Variants in COP1 observed in about 807,000 individuals in gnomAD.
COP1 encodes the protein COP1 E3 ubiquitin ligase.
In COP1, 24 loss-of-function variants were observed where a neutral mutation model predicts 101.3. The observed-to-expected ratio is 0.24, with a 90% CI of 0.17 to 0.33. The LOEUF (loss-of-function observed/expected upper bound fraction) is 0.33. Among genes scored for constraint, COP1 ranks in the 10% least tolerant of loss-of-function variants. The pLI is 1.00. For synonymous variants in COP1, 347 were observed against 341.9 expected, an observed-to-expected ratio of 1.01 and a Z score of -0.17; for missense variants, 663 against 906.2, an observed-to-expected ratio of 0.73 and a Z score of 3.45.
In COP1 at chr1:175,977,756, C is replaced by CA. The variant is rs1654922171; in HGVS notation, c.2133+9186dup. On this transcript the variant is annotated intron_variant, in intron 18 of 19. Coordinates refer to ENST00000367669, the MANE Select transcript of COP1 (RefSeq NM_022457.7). The stretch of plus-strand genomic sequence containing the variant: ...AAGCAACTGCCATCCATTTTCTAAG[C>CA]AAAACATACTTATTTTTGCTTAGTT... 2.0e-5 allele frequency among the ~76,000 whole-genome samples: 3 copies of CA among 152,064 alleles called. 1 individual carries two copies. In the South Asian group the frequency reaches 6.2e-4, roughly 32 times the overall value.
chr1:176,046,004 A>G (rs545742864), intron 12 of COP1, among the ~76,000 whole-genome samples, 177 bp downstream of exon 12: 1 of 152,092 alleles, frequency 6.6e-6, no homozygotes, highest in South Asian at 2.1e-4. Flanking sequence ...AGAAAAAAGC[A>G]ACCAATATCT....
chr1:175,963,117 C>T (rs1651581246), intron 18 of COP1, among the ~76,000 whole-genome samples: 1 of 151,992 alleles, frequency 6.6e-6, no homozygotes, highest in African/African-American at 2.4e-5. Context: ...TAATAACCTA[C>T]CTGAGTAGAC....
intron 11 of COP1, among the ~76,000 whole-genome samples, chr1:176,063,004 G>T (rs1675174900): frequency 6.6e-6 from 1 of 151,408 alleles, no homozygotes; most frequent in African/African-American, 2.4e-5. Flanking sequence ...TGAAGGAGGG[G>T]TGGAATTAAC....
At chr1:176,095,474 G>T (rs1255843795) in intron 9 of COP1, among the ~76,000 whole-genome samples, 1 of 152,160 alleles carries the variant, frequency 6.6e-6, no homozygotes. Flanking sequence ...CTTGAGTCCG[G>T]ATCCAGACCA....
At chr1:176,029,311 T>C (rs1206125460) in intron 14 of COP1, among the ~76,000 whole-genome samples, 1 of 152,184 alleles carries the variant, frequency 6.6e-6, no homozygotes, top group Admixed American at 6.5e-5. Context: ...GCCAGTGATA[T>C]ATATTAAAAT....
intron 9 of COP1, among the ~76,000 whole-genome samples, chr1:176,105,268 G>A (rs1239480071): frequency 6.6e-6 from 1 of 151,958 alleles, no homozygotes; most frequent in Non-Finnish European, 1.5e-5. Context: ...TATTCAAAAA[G>A]GATATATATA....
chr1:175,962,764 C>G lies in COP1; in HGVS notation c.2134-15525G>C, dbSNP rs765009091. ...CAGCCATCTCTCACCGCACCTCCCC[C>G]TCCCTGGGCACCTAGAGTCATCTCC... On this transcript the variant is annotated intron_variant, in intron 18 of 19. Coordinates refer to ENST00000367669, the MANE Select transcript of COP1 (RefSeq NM_022457.7). Among the ~76,000 whole-genome samples, 4 of 152,168 alleles carry G rather than the reference C, an allele frequency of 2.6e-5. 1 individual carries two copies. The highest frequency in any genetic ancestry group is 4.1e-4 in the South Asian group (2 of 4,834).
At chr1:175,998,841 T>C (rs1183504083) in intron 15 of COP1, among the ~76,000 whole-genome samples, 1 of 152,112 alleles carries the variant, frequency 6.6e-6, no homozygotes, top group Non-Finnish European at 1.5e-5. Flanking sequence ...TTTGGAAATA[T>C]TTTGTGTTCA....
chr1:176,067,530 G>C (rs1676208818), intron 11 of COP1, among the ~76,000 whole-genome samples: 1 of 152,150 alleles, frequency 6.6e-6, no homozygotes, highest in Non-Finnish European at 1.5e-5. Flanking sequence ...ATTTGGCTGG[G>C]ACGGTTGGAA....
At chr1:176,156,076 G>T (rs929685098) in intron 5 of COP1, among the ~76,000 whole-genome samples, 1 of 151,616 alleles carries the variant, frequency 6.6e-6, no homozygotes, top group Non-Finnish European at 1.5e-5. Flanking sequence ...ATCTTCAAAA[G>T]CCAAAATAAC....
At chr1:176,109,772 A>G (rs1386243409) in intron 9 of COP1, among the ~76,000 whole-genome samples, 3 of 152,288 alleles carry the variant, frequency 2.0e-5, no homozygotes, top group East Asian at 1.9e-4. Context: ...ACACTGTCTT[A>G]GTTATTTTAA....
intron 9 of COP1, among the ~76,000 whole-genome samples, chr1:176,090,080 C>T (rs1295821681): frequency 6.6e-6 from 1 of 152,150 alleles, no homozygotes; most frequent in Non-Finnish European, 1.5e-5. Flanking sequence ...TTCACAACCC[C>T]TTATCTTAAC....
At chr1:176,042,482 G>C (rs556767340) in intron 14 of COP1, among the ~76,000 whole-genome samples, 1 of 145,992 alleles carries the variant, frequency 6.8e-6, no homozygotes, top group Admixed American at 7.0e-5. Flanking sequence ...AGAATCGCTT[G>C]AACCTGGGAG....
At chr1:175,998,078 A>G (rs1202940010) in intron 15 of COP1, among the ~76,000 whole-genome samples, 4 of 146,256 alleles carry the variant, frequency 2.7e-5, no homozygotes, top group African/African-American at 5.1e-5. Flanking sequence ...AAAAAAAAAA[A>G]AAAAAAAAAA....
At chr1:176,064,962 G>T (rs556491492) in intron 11 of COP1, among the ~76,000 whole-genome samples, 59 of 152,180 alleles carry the variant, frequency 3.9e-4, no homozygotes, top group Non-Finnish European at 7.5e-4. Context: ...ACCACTTCTT[G>T]CTGTTGCCGT....
At chr1:176,089,293 A>AAACAAC (rs1428198512) in intron 9 of COP1, among the ~76,000 whole-genome samples, 6 of 49,758 alleles carry the variant, frequency 1.2e-4, no homozygotes, top group South Asian at 9.0e-4. Flanking sequence ...ACTCTGTCTA[A>AAACAAC]AACAATAACA....
intron 15 of COP1, among the ~76,000 whole-genome samples, chr1:176,020,225 C>A (rs1188950502): frequency 6.7e-6 from 1 of 150,300 alleles, no homozygotes; most frequent in Non-Finnish European, 1.5e-5. Context: ...GCAGGGGAAT[C>A]GCTTGAACTT....
intron 6 of COP1, among the ~76,000 whole-genome samples, chr1:176,139,560 C>T (rs970083066): frequency 2.0e-5 from 3 of 152,118 alleles, no homozygotes; most frequent in Non-Finnish European, 4.4e-5. Context: ...TTCATCAATG[C>T]CCATCATTGC....
intron 1 of COP1, among the ~76,000 whole-genome samples, chr1:176,203,536 A>T (rs765330537): frequency 6.6e-6 from 1 of 152,224 alleles, no homozygotes; most frequent in Non-Finnish European, 1.5e-5. Context: ...CATCTTTCAA[A>T]TACAGACCAG....
Sources: allele counts gnomAD v4.1 joint callset (sites outside exome capture counted in the v4.1 genomes callset), GRCh38; gene constraint gnomAD v4.1.1; transcripts MANE v1.5; gene names NCBI Gene and HGNC (gene_info 2026-07-23, HGNC 2026-07-21).